PCDHA2: variants seen among roughly 807,000 people sequenced by gnomAD.
The protein encoded by PCDHA2 is protocadherin alpha-2.
Under a neutral mutation model 66.0 loss-of-function variants are expected in PCDHA2, and 58 were observed. The observed-to-expected ratio is 0.88, with a 90% CI of 0.71 to 1.09. PCDHA2 has a LOEUF of 1.09. Among genes scored for constraint, PCDHA2 ranks in the 50% least tolerant of loss-of-function variants. PCDHA2 has a pLI of 0.00. For missense variants in PCDHA2, 1,267 were observed against 1,242.3 expected (o/e 1.02, Z -0.30); for synonymous variants, 634 against 554.0 (o/e 1.14, Z -2.03).
At chr5:140,979,055 T>A (rs2096833782) in intron 2 of PCDHA2, 48 bp downstream of exon 2, 1 of 1,607,848 alleles carries the variant, frequency 6.2e-7, no homozygotes, top group Non-Finnish European at 8.5e-7. Flanking sequence ...TAACTTGGTA[T>A]GGCTCAGATA....
At chr5:140,972,660 A>T (rs868975656) in intron 1 of PCDHA2, among the ~76,000 whole-genome samples, 47 of 117,276 alleles carry the variant, frequency 4.0e-4, no homozygotes, top group Non-Finnish European at 6.8e-4. Flanking sequence ...AAGAAACCAA[A>T]TTTTTTTTTT....
rs966554278 is a variant in PCDHA2 at position 140,906,071 on chromosome 5, G to A, written c.2389-72878G>A. On this transcript the variant is annotated intron_variant, in intron 1 of 3. Coordinates refer to ENST00000526136, the MANE Select transcript of PCDHA2 (RefSeq NM_018905.3). ...GGCTGCACTGGCAGCTGATTAGATCGCACCCACCCAGACTGAGAGTAAGTG... is the reference window on the plus strand; with the variant it reads ...GGCTGCACTGGCAGCTGATTAGATCACACCCACCCAGACTGAGAGTAAGTG... 9.2e-5 allele frequency among the ~76,000 whole-genome samples: 14 copies of A among 152,200 alleles called. 1 individual carries two copies. The highest frequency in any genetic ancestry group is 3.9e-4 in the Admixed American group (6 of 15,286).
chr5:140,806,647 G>C (rs1314722340), intron 1 of PCDHA2, among the ~76,000 whole-genome samples: 1 of 151,978 alleles, frequency 6.6e-6, no homozygotes, highest in Non-Finnish European at 1.5e-5. Flanking sequence ...GGTGAAGAGG[G>C]TGTTATCATT....
chr5:140,834,172 G>A (rs114972611), intron 1 of PCDHA2: 2 of 551,148 alleles, frequency 3.6e-6, no homozygotes, highest in Non-Finnish European at 6.4e-6. Flanking sequence ...TTACTTACAT[G>A]ATGGCCACAT....
intron 1 of PCDHA2, chr5:140,871,488 C>T (rs370808040): frequency 3.4e-5 from 54 of 1,591,050 alleles, no homozygotes; most frequent in Non-Finnish European, 4.5e-5. Flanking sequence ...CAAATCACCC[C>T]GGACAGGTGA....
At chr5:140,804,179 A>G (rs1217197809) in intron 1 of PCDHA2, 1 of 152,230 alleles carries the variant, frequency 6.6e-6, no homozygotes, top group Non-Finnish European at 1.5e-5. Flanking sequence ...AATATGATTC[A>G]TTTTAGGCCT....
chr5:140,802,556 G>A (rs1554122208), intron 1 of PCDHA2: 1 of 1,614,200 alleles, frequency 6.2e-7, no homozygotes, highest in Non-Finnish European at 8.5e-7. Context: ...ACAATGCGCC[G>A]GCATTCTCGC....
At chr5:140,805,245 C>A in intron 1 of PCDHA2, 2 of 1,315,870 alleles carry the variant, frequency 1.5e-6, no homozygotes, top group African/African-American at 3.0e-5. Context: ...CCCATCTGTA[C>A]ATTAAAATAC....
At chr5:140,877,497 C>G in intron 1 of PCDHA2, 1 of 1,613,848 alleles carries the variant, frequency 6.2e-7, no homozygotes, top group South Asian at 1.1e-5. Context: ...ACGGCCAGGC[C>G]CCAAAGACGT....
rs149265547 is a variant in PCDHA2 at position 140,927,771 on chromosome 5, G to T, written c.2389-51178G>T. On this transcript the variant is annotated intron_variant, in intron 1 of 3. Coordinates refer to ENST00000526136, the MANE Select transcript of PCDHA2 (RefSeq NM_018905.3). Reference sequence around the variant, plus strand: ...ACGTGCACCCTAAAAGTGGGGAGGTGCAAGTAGCTGCTTCACTAGGTCCGC... The same window carrying T: ...ACGTGCACCCTAAAAGTGGGGAGGTTCAAGTAGCTGCTTCACTAGGTCCGC... The T allele has an allele frequency of 4.2e-4, 677 of 1,614,210 alleles. 4 individuals carry two copies. In the African/African-American group the frequency reaches 7.5e-3, roughly 18 times the overall value.
chr5:140,850,347 G>T, intron 1 of PCDHA2: 9 of 1,597,856 alleles, frequency 5.6e-6, no homozygotes, highest in Non-Finnish European at 7.7e-6. Flanking sequence ...AACGGCCAGC[G>T]CGAGCATCCC....
intron 1 of PCDHA2, among the ~76,000 whole-genome samples, chr5:140,917,726 G>A (rs1192405804): frequency 6.6e-6 from 1 of 152,114 alleles, no homozygotes; most frequent in Admixed American, 6.6e-5. Flanking sequence ...TTATTTCTGG[G>A]TTCTCTAACC....
At chr5:140,849,902 G>A (rs1297576408) in intron 1 of PCDHA2, 3 of 1,598,418 alleles carry the variant, frequency 1.9e-6, no homozygotes, top group Non-Finnish European at 2.6e-6. Context: ...AGAACAACCC[G>A]CCGGGCTGCC....
At chr5:140,825,944 G>T (rs2150141904) in intron 1 of PCDHA2, 2 of 152,286 alleles carry the variant, frequency 1.3e-5, no homozygotes, top group Non-Finnish European at 2.9e-5. Context: ...GAAATAATGA[G>T]AACCATTTGT....
chr5:140,810,945 T>C (rs1375280990), intron 1 of PCDHA2: 3 of 152,180 alleles, frequency 2.0e-5, no homozygotes, highest in Non-Finnish European at 4.4e-5. Context: ...CTACAATCCA[T>C]TTGGAATATA....
At chr5:140,865,843 A>G (rs539804831) in intron 1 of PCDHA2, 2 of 152,278 alleles carry the variant, frequency 1.3e-5, no homozygotes, top group South Asian at 4.1e-4. Context: ...TTAGTAAGTC[A>G]TTTCTCTGCT....
intron 1 of PCDHA2, among the ~76,000 whole-genome samples, chr5:140,894,474 T>C (rs1333675195): frequency 6.6e-6 from 1 of 152,022 alleles, no homozygotes; most frequent in Non-Finnish European, 1.5e-5. Flanking sequence ...TTATTCTTGT[T>C]TTCATCTTAT....
At chr5:140,830,006 G>T (rs755165097) in intron 1 of PCDHA2, 1 of 1,613,960 alleles carries the variant, frequency 6.2e-7, no homozygotes, top group Non-Finnish European at 8.5e-7. Context: ...TGTCCTGGAC[G>T]AAGCGGACTC....
intron 2 of PCDHA2, among the ~76,000 whole-genome samples, chr5:140,981,353 C>A (rs551731316): frequency 6.6e-6 from 1 of 152,166 alleles, no homozygotes; most frequent in South Asian, 2.1e-4. Context: ...GCAGGTGGAT[C>A]ACTTGAGGTC....
Sources: allele counts gnomAD v4.1 joint callset (sites outside exome capture counted in the v4.1 genomes callset), GRCh38; gene constraint gnomAD v4.1.1; transcripts MANE v1.5; gene names NCBI Gene and HGNC (gene_info 2026-07-23, HGNC 2026-07-21).